Variants in IARS1 observed in about 807,000 individuals in gnomAD.
IARS1 encodes isoleucine--tRNA ligase, cytoplasmic.
Under a neutral mutation model 168.2 loss-of-function variants are expected in IARS1, and 124 were observed. That is an observed-to-expected ratio of 0.74 (90% CI 0.64 to 0.86). IARS1 has a LOEUF of 0.86. IARS1 is among the 40% of genes least tolerant of loss of function. The pLI is 0.00. For missense variants in IARS1, 1,452 were observed against 1,515.8 expected (o/e 0.96, Z 0.70); for synonymous variants, 532 against 529.4 (o/e 1.00, Z -0.07).
intron 11 of IARS1, among the ~76,000 whole-genome samples, 183 bp downstream of exon 11, chr9:92,271,350 C>T (rs992730837): frequency 1.3e-5 from 2 of 152,174 alleles, no homozygotes; most frequent in Admixed American, 1.3e-4. Context: ...GAAATTTCAG[C>T]ATGCATCCTC....
In IARS1 at chr9:92,251,886, C is replaced by T; in HGVS notation, c.2230-1G>A. On this transcript the variant is annotated splice_acceptor_variant, in intron 21 of 33. Transcript: ENST00000443024. LOFTEE classifies it high-confidence loss of function. ...CACAATCCTCCATCCCATTTTCACC[C>T]TAATGAGTAAAAAGGAAACATAAAC... is the stretch of plus-strand genomic sequence containing the variant. 1 of 1,604,116 alleles carries T rather than the reference C, an allele frequency of 6.2e-7. No individual in the cohort carries two copies. The highest frequency in any genetic ancestry group is 1.3e-5 in the African/African-American group (1 of 74,780).
chr9:92,250,595 G>T, intron 23 of IARS1, 118 bp downstream of exon 23: 1 of 1,163,236 alleles, frequency 8.6e-7, no homozygotes, highest in African/African-American at 1.6e-5. Context: ...CATGTCAGCT[G>T]GGGCGGGAGG....
intron 30 of IARS1, 101 bp from the exon 31 acceptor site, chr9:92,229,227 AT>A (rs1826248937): frequency 1.6e-6 from 2 of 1,221,036 alleles, no homozygotes. Flanking sequence ...AAGCCCTAAT[AT>A]TTTTCCTTTT....
chr9:92,240,595 T>C (rs1205193423), intron 30 of IARS1: 5 of 673,728 alleles, frequency 7.4e-6, no homozygotes, highest in East Asian at 2.7e-5. Context: ...GATCTTATTA[T>C]GTTGGCAAGG....
chr9:92,225,468 G>C (rs1825525729), intron 31 of IARS1, among the ~76,000 whole-genome samples: 1 of 152,002 alleles, frequency 6.6e-6, no homozygotes, highest in Non-Finnish European at 1.5e-5. Context: ...GGCTCAGCTA[G>C]AAGAGAAATC....
intron 30 of IARS1, among the ~76,000 whole-genome samples, chr9:92,229,518 G>A (rs1413738913): frequency 6.6e-6 from 1 of 151,962 alleles, no homozygotes; most frequent in Non-Finnish European, 1.5e-5. Context: ...ATTTATGATT[G>A]TCATTTTTCA....
chr9:92,279,747 A>C (rs1398758530), intron 7 of IARS1, among the ~76,000 whole-genome samples: 3 of 152,066 alleles, frequency 2.0e-5, no homozygotes, highest in Non-Finnish European at 4.4e-5. Flanking sequence ...AATACCCTAA[A>C]CCTTTTCATT....
In IARS1 at chr9:92,263,066, A is replaced by C. The variant is rs746721840; in HGVS notation, c.1701-11T>G. On this transcript the variant is annotated splice_polypyrimidine_tract_variant and intron_variant, in intron 16 of 33. Transcript: ENST00000443024. Reference sequence around the variant, plus strand: ...AGCAGGGTATAAAACCTGAAAAAAAACCCCAAACAGTTCAATAAAAATAGA... The same window carrying C: ...AGCAGGGTATAAAACCTGAAAAAAACCCCCAAACAGTTCAATAAAAATAGA... 80 of 1,594,290 alleles carry C rather than the reference A, an allele frequency of 5.0e-5. No homozygotes were observed. Among genetic ancestry groups the C allele is most frequent in the Non-Finnish European group, 6.4e-5 (74 of 1,162,430 alleles).
chr9:92,227,611 TTC>T (rs1304317817), intron 31 of IARS1, among the ~76,000 whole-genome samples: 9 of 147,814 alleles, frequency 6.1e-5, no homozygotes, highest in African/African-American at 1.0e-4. Flanking sequence ...GGCTCCTCAC[TTC>T]TCAGACGGGG....
chr9:92,259,233 T>A (rs1003707764), intron 18 of IARS1, among the ~76,000 whole-genome samples: 1 of 152,184 alleles, frequency 6.6e-6, no homozygotes, highest in Non-Finnish European at 1.5e-5. Context: ...TATGGCACTG[T>A]ATAGCACAGA....
At chr9:92,250,387 G>C in intron 23 of IARS1, 98 bp from the exon 24 acceptor site, 1 of 817,712 alleles carries the variant, frequency 1.2e-6, no homozygotes, top group South Asian at 1.4e-5. Flanking sequence ...TCAGGCTAGA[G>C]AAGTGTGGCT....
In IARS1 at chr9:92,250,837, G is replaced by A. The variant is rs1454635144; in HGVS notation, c.2308-3C>T. The A allele has an allele frequency of 1.3e-6, 2 of 1,599,008 alleles. No individual in the cohort carries two copies. The highest frequency in any genetic ancestry group is 2.2e-5 in the East Asian group (1 of 44,830). ...GTGAGAAAAGGTGTGTAGGGAGCCT[G>A]TATGAAGACACAGGACATCATGTCA... On this transcript the variant is annotated splice_region_variant and splice_polypyrimidine_tract_variant and intron_variant, in intron 22 of 33. Transcript: ENST00000443024.
Position 92,286,535 on chromosome 9 carries a change from C to T in IARS1, c.479+1G>A, listed in dbSNP as rs765220261. 2 of 1,525,156 alleles carry T rather than the reference C, an allele frequency of 1.3e-6. No individual in the cohort carries two copies. The highest frequency in any genetic ancestry group is 1.1e-5 in the South Asian group (1 of 88,302). 94.5% of individuals were successfully genotyped at this position (1,525,156 alleles called of 1,614,324 possible). A position where few individuals can be genotyped will look rare whatever the true frequency, so the allele number is the denominator to read the frequency against. On this transcript the variant is annotated splice_donor_variant, in intron 5 of 33. Coordinates refer to ENST00000443024, the MANE Select transcript of IARS1 (RefSeq NM_002161.6). LOFTEE classifies it high-confidence loss of function. ...ATATTTACAATTTTAAATAAACCTA[C>T]CAGACTGATTCCATGAATTGTGGAT...
At chr9:92,250,570 G>T in intron 23 of IARS1, 143 bp downstream of exon 23, 3 of 915,566 alleles carry the variant, frequency 3.3e-6, no homozygotes, top group Non-Finnish European at 3.2e-6. Context: ...GCCCCATCCT[G>T]CAGCCTGAGG....
At chr9:92,256,883 CA>C in intron 19 of IARS1, 83 bp from the exon 20 acceptor site, 2 of 1,311,436 alleles carry the variant, frequency 1.5e-6, no homozygotes, top group African/African-American at 2.9e-5. Context: ...ATCACTTAAA[CA>C]AAAACAAAAA....
chr9:92,267,732 A>C (rs1231938537), intron 14 of IARS1, among the ~76,000 whole-genome samples: 2 of 152,204 alleles, frequency 1.3e-5, no homozygotes, highest in African/African-American at 4.8e-5. Flanking sequence ...CTATATATCT[A>C]CACACATCCT....
At chr9:92,274,948 C>A (rs886806885) in intron 9 of IARS1, among the ~76,000 whole-genome samples, 1 of 152,178 alleles carries the variant, frequency 6.6e-6, no homozygotes, top group East Asian at 1.9e-4. Flanking sequence ...GTTATTCAGT[C>A]ATAAAGGCAA....
At position 92,256,690 on chromosome 9, in the gene IARS1, A is replaced by G. The variant is rs764583612; in HGVS notation, c.2127T>C (p.Thr709=). 3 of 1,613,604 alleles carry G rather than the reference A, an allele frequency of 1.9e-6. No individual in the cohort carries two copies. In the Admixed American group the frequency reaches 5.0e-5, roughly 27 times the overall value. The change falls in exon 20 of 34, where the codon ACT becomes ACC. Residue 709 remains threonine (T), a synonymous_variant. Coordinates refer to ENST00000443024, the MANE Select transcript of IARS1 (RefSeq NM_002161.6). ...FMQSLIGFFE[T]EMAAYRLYTV... ...CCAAGAGAGACTCACCTGCCATTTC[A>G]GTCTCAAAGAAGCCAATGAGAGACT...
intron 30 of IARS1, among the ~76,000 whole-genome samples, chr9:92,238,405 C>G (rs996465448): frequency 6.6e-6 from 1 of 152,128 alleles, no homozygotes; most frequent in Non-Finnish European, 1.5e-5. Context: ...TCACTCTGTT[C>G]GTTCATGCGA....
Sources: allele counts gnomAD v4.1 joint callset (sites outside exome capture counted in the v4.1 genomes callset), GRCh38; gene constraint gnomAD v4.1.1; transcripts MANE v1.5; gene names NCBI Gene and HGNC (gene_info 2026-07-23, HGNC 2026-07-21).